The following RTL4 variants were observed in gnomAD, a reference collection of about 807,000 sequenced individuals.
RTL4 encodes retrotransposon Gag-like protein 4.
A neutral mutation model predicts 5.3 loss-of-function variants in RTL4; 4 were observed. That is an observed-to-expected ratio of 0.75 (90% CI 0.37 to 1.72). RTL4 has a LOEUF of 1.72. Ranked by LOEUF, RTL4 falls within the 40% of genes most tolerant of loss-of-function variation. RTL4 has a pLI of 0.04. For missense variants in RTL4, 260 were observed against 227.1 expected, an observed-to-expected ratio of 1.14 and a Z score of -0.93; for synonymous variants, 98 against 87.3, an observed-to-expected ratio of 1.12 and a Z score of -0.68.
chrX:112,135,466 C>G, the RTL4 span, among the ~76,000 whole-genome samples: 3,305 of 111,139 alleles, frequency 0.03, 136 homozygotes, highest in African/African-American at 0.1. Context: ...GATTTTCTCC[C>G]AGTCTATAGC....
At chrX:112,263,222 G>C in the RTL4 span, among the ~76,000 whole-genome samples, 3 of 105,968 alleles carry the variant, frequency 2.8e-5, no homozygotes, top group African/African-American at 1.1e-4. Flanking sequence ...AAAAGAAGCA[G>C]TAAATCAGTA....
At chrX:112,198,922 G>A in the RTL4 span, among the ~76,000 whole-genome samples, 3 of 110,998 alleles carry the variant, frequency 2.7e-5, no homozygotes, top group Admixed American at 9.7e-5. Context: ...GGAAGATTAA[G>A]AGTTAACTAG....
At chrX:112,108,858 G>A in the RTL4 span, among the ~76,000 whole-genome samples, 7 of 111,486 alleles carry the variant, frequency 6.3e-5, no homozygotes, top group Non-Finnish European at 1.1e-4. Context: ...GTGGGGTCTG[G>A]CCTGGCCCTG....
chrX:112,221,733 G>A, the RTL4 span, among the ~76,000 whole-genome samples: 1 of 112,343 alleles, frequency 8.9e-6, no homozygotes, highest in African/African-American at 3.2e-5. Flanking sequence ...GTTGTTTTCT[G>A]AAGGAAATTC....
At chrX:112,259,127 T>C in the RTL4 span, among the ~76,000 whole-genome samples, 1 of 111,601 alleles carries the variant, frequency 9.0e-6, no homozygotes, top group African/African-American at 3.2e-5. Context: ...TTTTCCAGCA[T>C]GTTTAAATCG....
the RTL4 span, among the ~76,000 whole-genome samples, chrX:112,343,316 C>G: frequency 9.0e-6 from 1 of 111,682 alleles, no homozygotes; most frequent in African/African-American, 3.3e-5. Context: ...CTTTTCCCTT[C>G]CACTCTTTAG....
chrX:112,350,824 G>A, the RTL4 span, among the ~76,000 whole-genome samples: 3 of 111,142 alleles, frequency 2.7e-5, no homozygotes, highest in African/African-American at 9.8e-5. Context: ...CAAGCTCCTG[G>A]ATTCATTAAT....
At chrX:112,409,440 G>A in the RTL4 span, among the ~76,000 whole-genome samples, 8 of 111,565 alleles carry the variant, frequency 7.2e-5, no homozygotes, top group African/African-American at 2.6e-4. Context: ...AAGCAACAGG[G>A]CCAGGTGCAG....
At chrX:112,150,373 T>C in the RTL4 span, among the ~76,000 whole-genome samples, 1 of 111,589 alleles carries the variant, frequency 9.0e-6, no homozygotes, top group Non-Finnish European at 1.9e-5. Context: ...ATCGATCTCT[T>C]TTTAATTATC....
the RTL4 span, among the ~76,000 whole-genome samples, chrX:112,199,035 T>C: frequency 2.7e-5 from 3 of 110,925 alleles, no homozygotes; most frequent in African/African-American, 9.8e-5. Flanking sequence ...ACGCCTGTAA[T>C]CCCAGCACTT....
chrX:112,376,955 A>T, the RTL4 span, among the ~76,000 whole-genome samples: 1 of 112,280 alleles, frequency 8.9e-6, no homozygotes, highest in Non-Finnish European at 1.9e-5. Context: ...TATATCAATG[A>T]TGTCATGTTA....
chrX:112,133,928 T>C, the RTL4 span, among the ~76,000 whole-genome samples: 1 of 111,785 alleles, frequency 8.9e-6, no homozygotes, highest in Non-Finnish European at 1.9e-5. Context: ...GCTCAGTAAT[T>C]TCTTCTTTCC....
the RTL4 span, among the ~76,000 whole-genome samples, chrX:112,301,516 C>T: frequency 9.0e-6 from 1 of 110,505 alleles, no homozygotes; most frequent in African/African-American, 3.3e-5. Context: ...ACAATGAAGT[C>T]ATGTGCAAGG....
chrX:112,410,486 CA>C, the RTL4 span, among the ~76,000 whole-genome samples: 1 of 111,914 alleles, frequency 8.9e-6, no homozygotes, highest in African/African-American at 3.2e-5. Flanking sequence ...TGTTACTTCA[CA>C]AAACTAGTCT....
At chrX:112,421,489 G>T in the RTL4 span, among the ~76,000 whole-genome samples, 1 of 111,742 alleles carries the variant, frequency 8.9e-6, no homozygotes, top group Non-Finnish European at 1.9e-5. Flanking sequence ...AAACTGTTCT[G>T]GTTCTTTGGT....
the RTL4 span, among the ~76,000 whole-genome samples, chrX:112,094,224 C>T: frequency 9.0e-6 from 1 of 111,672 alleles, no homozygotes; most frequent in Non-Finnish European, 1.9e-5. Context: ...TTAAGAAATA[C>T]AATCAACAAA....
At chrX:112,145,345 G>C in the RTL4 span, among the ~76,000 whole-genome samples, 1 of 111,698 alleles carries the variant, frequency 9.0e-6, no homozygotes, top group African/African-American at 3.3e-5. Flanking sequence ...TAATGTCAGG[G>C]TGTGAGTGGG....
chrX:112,425,997 C>G, the RTL4 span, among the ~76,000 whole-genome samples: 3 of 111,768 alleles, frequency 2.7e-5, no homozygotes, highest in African/African-American at 9.7e-5. Context: ...TATCTAAAGT[C>G]ATCGCCATAT....
chrX:112,170,731 C>T, the RTL4 span, among the ~76,000 whole-genome samples: 1 of 111,166 alleles, frequency 9.0e-6, no homozygotes, highest in Non-Finnish European at 1.9e-5. Flanking sequence ...ATCTGAATAC[C>T]CTTTATTTCT....
Sources: gnomAD v4.1 joint callset for allele counts (sites outside exome capture counted in the v4.1 genomes callset) on GRCh38, gnomAD v4.1.1 for gene constraint, MANE v1.5 for transcripts, NCBI Gene and HGNC (gene_info 2026-07-23, HGNC 2026-07-21) for gene names.